RALGPS1: variants seen among roughly 807,000 people sequenced by gnomAD.
RALGPS1 encodes the protein ras-specific guanine nucleotide-releasing factor RalGPS1.
RALGPS1 carries 19 observed loss-of-function variants against 78.8 expected under a neutral mutation model. That is an observed-to-expected ratio of 0.24 (90% CI 0.17 to 0.35). The LOEUF (loss-of-function observed/expected upper bound fraction) is 0.35, where lower values mean the gene tolerates loss of function less well. Ranked by LOEUF, RALGPS1 falls within the 10% of genes least tolerant of loss-of-function variation. The pLI is 1.00. For missense variants in RALGPS1, 454 were observed against 688.3 expected, an observed-to-expected ratio of 0.66 and a Z score of 3.81; for synonymous variants, 228 against 256.3, an observed-to-expected ratio of 0.89 and a Z score of 1.06.
At chr9:127,099,499 C>G (rs1254526185) in intron 8 of RALGPS1, among the ~76,000 whole-genome samples, 1 of 152,182 alleles carries the variant, frequency 6.6e-6, no homozygotes, top group African/African-American at 2.4e-5. Flanking sequence ...GGCACGTGGC[C>G]TGCTTAGGTG....
At position 127,194,891 on chromosome 9, in the gene RALGPS1, A is replaced by T. The variant is rs41316972; in HGVS notation, c.911-200A>T. Among the ~76,000 whole-genome samples the T allele has an allele frequency of 3.2e-3, 489 of 152,288 alleles. 1 individual carries two copies. Among genetic ancestry groups the T allele is most frequent in the Middle Eastern group, 6.8e-3 (2 of 294 alleles). ...AGTTGGTTGTCAGCCTTGGGAGTCA[A>T]GTACTATATGGAGAGTGAAGGATCA... is the stretch of plus-strand genomic sequence containing the variant. On this transcript the variant is annotated intron_variant, in intron 11 of 18. Coordinates refer to ENST00000259351, the MANE Select transcript of RALGPS1 (RefSeq NM_014636.3).
At chr9:127,018,142 G>A (rs2045054628) in intron 4 of RALGPS1, among the ~76,000 whole-genome samples, 1 of 152,118 alleles carries the variant, frequency 6.6e-6, no homozygotes, top group African/African-American at 2.4e-5. Context: ...CTTGAACCTG[G>A]GAGGCGGAGC....
chr9:126,929,866 A>AGTCTT (rs1184206434), intron 1 of RALGPS1, among the ~76,000 whole-genome samples: 1 of 150,358 alleles, frequency 6.7e-6, no homozygotes, highest in East Asian at 2.0e-4. Context: ...TCAGAGATGG[A>AGTCTT]GTCTTGCTCT....
intron 4 of RALGPS1, among the ~76,000 whole-genome samples, chr9:127,016,316 A>G (rs1430665320): frequency 6.6e-6 from 1 of 152,160 alleles, no homozygotes; most frequent in East Asian, 1.9e-4. Flanking sequence ...TAACGTTTTT[A>G]TGTAATGCCG....
chr9:127,073,894 T>A (rs1489323317), intron 8 of RALGPS1, among the ~76,000 whole-genome samples: 1 of 152,172 alleles, frequency 6.6e-6, no homozygotes, highest in African/African-American at 2.4e-5. Context: ...TATTATTATT[T>A]TTTTGAGACT....
At position 127,143,901 on chromosome 9, in the gene RALGPS1, G is replaced by C. The variant is rs1035115647; in HGVS notation, c.611-22168G>C. Among the ~76,000 whole-genome samples, 23 of 152,232 alleles carry C rather than the reference G, an allele frequency of 1.5e-4. 1 individual carries two copies. The highest frequency in any genetic ancestry group is 5.3e-4 in the African/African-American group (22 of 41,462). On this transcript the variant is annotated intron_variant, in intron 8 of 18. Coordinates refer to ENST00000259351, the MANE Select transcript of RALGPS1 (RefSeq NM_014636.3). Reference sequence around the variant, plus strand: ...GGAGAATGTCTGAAGAAAGCTGAAGGCAAGCCCCTTTGCTCTGCCCTTGCC... The same window carrying C: ...GGAGAATGTCTGAAGAAAGCTGAAGCCAAGCCCCTTTGCTCTGCCCTTGCC...
At chr9:127,166,034 C>T in intron 8 of RALGPS1, 35 bp from the exon 9 acceptor site, 1 of 1,585,676 alleles carries the variant, frequency 6.3e-7, no homozygotes. Context: ...TTGTGGTAAG[C>T]TCCTTCCATC....
chr9:126,941,046 A>G (rs181080463), intron 1 of RALGPS1, among the ~76,000 whole-genome samples: 3 of 152,240 alleles, frequency 2.0e-5, no homozygotes, highest in Admixed American at 2.0e-4. Flanking sequence ...ATCCTTCTAT[A>G]CTTCTATATG....
intron 11 of RALGPS1, among the ~76,000 whole-genome samples, chr9:127,189,518 T>G (rs1193371766): frequency 1.3e-5 from 2 of 152,196 alleles, no homozygotes; most frequent in East Asian, 3.9e-4. Context: ...CCCACTGAGC[T>G]TCTACTACTC....
intron 4 of RALGPS1, among the ~76,000 whole-genome samples, chr9:127,015,154 G>A (rs1235029285): frequency 6.6e-6 from 1 of 152,154 alleles, no homozygotes; most frequent in Admixed American, 6.5e-5. Flanking sequence ...TCAAAATACT[G>A]GTAGAAAATC....
intron 4 of RALGPS1, among the ~76,000 whole-genome samples, chr9:127,001,931 T>C (rs2043347013): frequency 6.6e-6 from 1 of 152,194 alleles, no homozygotes; most frequent in Admixed American, 6.5e-5. Flanking sequence ...GTCTCTATAT[T>C]AATACATTTG....
At chr9:127,060,136 A>G (rs1414616522) in intron 7 of RALGPS1, among the ~76,000 whole-genome samples, 1 of 152,092 alleles carries the variant, frequency 6.6e-6, no homozygotes, top group African/African-American at 2.4e-5. Flanking sequence ...CTGCCCACAC[A>G]TGGGGGGCTG....
intron 5 of RALGPS1, among the ~76,000 whole-genome samples, chr9:127,035,946 T>C (rs1208143954): frequency 1.3e-5 from 2 of 151,966 alleles, no homozygotes; most frequent in Non-Finnish European, 2.9e-5. Context: ...GAATTCATAG[T>C]TTCCTTAACA....
At chr9:127,011,764 T>TA (rs1318597580) in intron 4 of RALGPS1, among the ~76,000 whole-genome samples, 21 of 152,274 alleles carry the variant, frequency 1.4e-4, no homozygotes, top group African/African-American at 5.1e-4. Flanking sequence ...AATCCGAGCA[T>TA]AAAAATTGGT....
intron 8 of RALGPS1, among the ~76,000 whole-genome samples, chr9:127,085,291 G>T (rs749718754): frequency 2.0e-5 from 3 of 152,198 alleles, no homozygotes; most frequent in Non-Finnish European, 4.4e-5. Context: ...TTCTGGGTCT[G>T]CAAATGCAGT....
At chr9:127,159,908 A>G (rs977734326) in intron 8 of RALGPS1, among the ~76,000 whole-genome samples, 1 of 152,206 alleles carries the variant, frequency 6.6e-6, no homozygotes, top group Admixed American at 6.5e-5. Context: ...AAAGTCTTTC[A>G]TCTCAAACTT....
chr9:126,921,058 G>A (rs779087955), intron 1 of RALGPS1, among the ~76,000 whole-genome samples: 3 of 152,240 alleles, frequency 2.0e-5, no homozygotes, highest in Non-Finnish European at 4.4e-5. Flanking sequence ...GCAGTGTTTA[G>A]CACAGTGCCT....
intron 8 of RALGPS1, among the ~76,000 whole-genome samples, chr9:127,159,398 G>A (rs531299475): frequency 1.6e-3 from 251 of 152,236 alleles, no homozygotes; most frequent in African/African-American, 4.9e-3. Flanking sequence ...CTTTGCCCAC[G>A]TGCCTTTGTG....
At chr9:127,008,944 A>G (rs945732732) in intron 4 of RALGPS1, among the ~76,000 whole-genome samples, 1 of 152,188 alleles carries the variant, frequency 6.6e-6, no homozygotes, top group Non-Finnish European at 1.5e-5. Flanking sequence ...TCTGAGAAGT[A>G]TGTTCTTGAA....
Sources: gnomAD v4.1 joint callset for allele counts (sites outside exome capture counted in the v4.1 genomes callset) on GRCh38, gnomAD v4.1.1 for gene constraint, MANE v1.5 for transcripts, NCBI Gene and HGNC (gene_info 2026-07-23, HGNC 2026-07-21) for gene names.